BIVM: variants seen among roughly 807,000 people sequenced by gnomAD.
BIVM encodes the protein basic, immunoglobulin-like variable motif containing.
In BIVM, 31 loss-of-function variants were observed where a neutral mutation model predicts 61.4. The ratio of observed to expected loss-of-function variants is 0.51; its 90% CI spans 0.38 to 0.68. The LOEUF (loss-of-function observed/expected upper bound fraction) is 0.68. Ranked by LOEUF, BIVM falls within the 30% of genes least tolerant of loss-of-function variation. The probability of loss-of-function intolerance (pLI) is 0.00; values close to 1 mark genes in which losing one functional copy is unlikely to be tolerated. For missense variants in BIVM, 526 were observed against 596.0 expected (o/e 0.88, Z 1.22); for synonymous variants, 189 against 210.7 (o/e 0.90, Z 0.89).
intron 8 of BIVM, 118 bp from the exon 9 acceptor site, chr13:102,834,348 T>C (rs1881319950): frequency 1.0e-5 from 10 of 994,720 alleles, no homozygotes; most frequent in Non-Finnish European, 1.4e-5. Context: ...ATGTCTGTTC[T>C]TGATGAATGA....
In BIVM at chr13:102,803,600, G is replaced by T. The variant is rs953930059; in HGVS notation, c.-206-1707G>T. On this transcript the variant is annotated intron_variant, in intron 1 of 10. Coordinates refer to ENST00000257336, the MANE Select transcript of BIVM (RefSeq NM_017693.4). Reference sequence around the variant, plus strand: ...GGAAGGAAGCCCTGGGAAAGTGGAAGCCAAGTCTGAGATGAGGATATAAAA... The same window carrying T: ...GGAAGGAAGCCCTGGGAAAGTGGAATCCAAGTCTGAGATGAGGATATAAAA... 1.8e-4 allele frequency among the ~76,000 whole-genome samples: 27 copies of T among 152,088 alleles called. 1 individual carries two copies.
intron 7 of BIVM, among the ~76,000 whole-genome samples, chr13:102,824,887 G>A (rs1171691245): frequency 6.6e-6 from 1 of 151,990 alleles, no homozygotes; most frequent in African/African-American, 2.4e-5. Flanking sequence ...AGCCTCCCAA[G>A]TAGCTAGGAC....
intron 7 of BIVM, among the ~76,000 whole-genome samples, chr13:102,823,703 G>A (rs370928255): frequency 3.9e-5 from 6 of 152,236 alleles, no homozygotes; most frequent in African/African-American, 1.2e-4. Flanking sequence ...TTTCTCTTCA[G>A]CTGTGTCTAG....
chr13:102,802,319 A>G (rs1250178168), intron 1 of BIVM, among the ~76,000 whole-genome samples: 1 of 152,204 alleles, frequency 6.6e-6, no homozygotes, highest in Non-Finnish European at 1.5e-5. Flanking sequence ...TAAGAAAGCT[A>G]GAATCTGAGC....
rs112650792 is a variant in BIVM, at chr13:102,828,741, C to G, written c.902-2824C>G. On this transcript the variant is annotated intron_variant, in intron 7 of 10. Transcript: ENST00000257336. Reference sequence around the variant, plus strand: ...CATGTACCAGTTGTATTTAAGATGTCAGGGGAAGCTGGCATAGTGGCTCAC... The same window carrying G: ...CATGTACCAGTTGTATTTAAGATGTGAGGGGAAGCTGGCATAGTGGCTCAC... 7.5e-3 allele frequency among the ~76,000 whole-genome samples: 1,140 copies of G among 151,952 alleles called. 17 individuals carry two copies. The highest frequency in any genetic ancestry group is 0.025 in the African/African-American group (1,051 of 41,490).
chr13:102,809,696 C>T (rs7321030), intron 3 of BIVM, among the ~76,000 whole-genome samples: 7,873 of 152,118 alleles, frequency 0.052, 231 homozygotes, highest in East Asian at 0.1. Flanking sequence ...ACCATTTTTA[C>T]GTGTACAGTT....
At chr13:102,825,248 T>G (rs1213646965) in intron 7 of BIVM, among the ~76,000 whole-genome samples, 1 of 152,072 alleles carries the variant, frequency 6.6e-6, no homozygotes, top group Non-Finnish European at 1.5e-5. Flanking sequence ...CCCAGACTAA[T>G]TTTATTTTTT....
At chr13:102,833,708 A>G (rs1353528991) in intron 8 of BIVM, among the ~76,000 whole-genome samples, 1 of 152,170 alleles carries the variant, frequency 6.6e-6, no homozygotes, top group Non-Finnish European at 1.5e-5. Context: ...AGGGATTCTG[A>G]GACAGGTTGG....
At chr13:102,810,943 G>C (rs113097267) in intron 3 of BIVM, among the ~76,000 whole-genome samples, 7,576 of 152,116 alleles carry the variant, frequency 0.05, 206 homozygotes, top group Middle Eastern at 0.071. Flanking sequence ...GTTGCCAGGG[G>C]TGGTCTTGAA....
chr13:102,800,551 T>C (rs1566441897), intron 1 of BIVM: 1 of 143,456 alleles, frequency 7.0e-6, no homozygotes, highest in Non-Finnish European at 1.5e-5. Context: ...CGGCGGGGCT[T>C]GGCCTGCGCG....
rs768697299 is a variant in BIVM at position 102,834,480 on chromosome 13, C to T, written c.1049C>T (p.Ser350Leu). Residue 350 changes from serine to leucine, a missense_variant, in exon 9 of 11, where the codon TCA becomes TTA. This residue lies in a region of BIVM where 210 missense variants were observed against 233.1 expected (regional missense o/e 0.90). Transcript: ENST00000257336. Reference protein sequence around the residue: ...ANKAFSRGPLSPQEVEYWILI... With the variant: ...ANKAFSRGPLLPQEVEYWILI... ...TTTATATTTAGCAGGGGACCTCTCT[C>T]ACCACAGGAAGTTGAATATTGGATC... 2 of 1,599,772 alleles carry T rather than the reference C, an allele frequency of 1.3e-6. No individual in the cohort carries two copies. Among genetic ancestry groups the T allele is most frequent in the Non-Finnish European group, 1.7e-6 (2 of 1,175,350 alleles).
Position 102,807,430 on chromosome 13 carries a change from T to C in BIVM, c.163T>C (p.Trp55Arg). 6.2e-7 allele frequency: 1 copy of C among 1,614,228 alleles called. No homozygotes were observed. ...LGPKGDGHYP[W>R]SCPVTHTREK... ...TCCCAAAGGAGATGGTCATTATCCATGGAGTTGTCCAGTGACTCATACACG... is the reference window on the plus strand; with the variant it reads ...TCCCAAAGGAGATGGTCATTATCCACGGAGTTGTCCAGTGACTCATACACG... Residue 55 changes from tryptophan to arginine, a missense_variant, in exon 3 of 11, where the codon TGG becomes CGG. Physicochemically the swap from Trp to Arg is moderately radical, Grantham distance 101. This residue lies in a region of BIVM where 312 missense variants were observed against 343.8 expected (regional missense o/e 0.91). Transcript: ENST00000257336. This position sits in a 1 kb window ranked among gnomAD's most constrained non-coding sequence, Gnocchi z 4.0.
At chr13:102,821,684 G>T in intron 5 of BIVM, 59 bp from the exon 6 acceptor site, 2 of 1,456,830 alleles carry the variant, frequency 1.4e-6, no homozygotes, top group Non-Finnish European at 1.9e-6. Flanking sequence ...ATTGAGACAG[G>T]CTGTATTTGC....
At chr13:102,837,933 T>C (rs903658682) in intron 9 of BIVM, among the ~76,000 whole-genome samples, 2 of 152,186 alleles carry the variant, frequency 1.3e-5, no homozygotes, top group African/African-American at 4.8e-5. Context: ...GATAAAAGAC[T>C]ACATATTGGA....
intron 7 of BIVM, among the ~76,000 whole-genome samples, chr13:102,825,857 T>C (rs1187124349): frequency 6.6e-6 from 1 of 152,178 alleles, no homozygotes; most frequent in Non-Finnish European, 1.5e-5. Flanking sequence ...TCCCTTCGTC[T>C]CCTGGGTTGT....
At chr13:102,832,153 T>C (rs1347114999) in intron 8 of BIVM, among the ~76,000 whole-genome samples, 2 of 152,196 alleles carry the variant, frequency 1.3e-5, no homozygotes. Flanking sequence ...ATTTAGATAC[T>C]GTTGTTCAGT....
intron 9 of BIVM, among the ~76,000 whole-genome samples, chr13:102,835,803 G>C (rs943964469): frequency 1.3e-5 from 2 of 152,190 alleles, no homozygotes; most frequent in Non-Finnish European, 2.9e-5. Flanking sequence ...AAAGTGTTGG[G>C]ATTACAGGCG....
Position 102,839,553 on chromosome 13 carries a change from A to G in BIVM, c.1219-19A>G. ...TAATTTCCCTTTATTTTCTTCAGCC[A>G]ACATTTTTTTCTTCTCAGGTTGGGG... On this transcript the variant is annotated intron_variant, in intron 10 of 10. Transcript: ENST00000257336. The G allele has an allele frequency of 6.2e-7, 1 of 1,609,868 alleles. No individual in the cohort carries two copies. The highest frequency in any genetic ancestry group is 8.5e-7 in the Non-Finnish European group (1 of 1,177,834).
chr13:102,828,520 G>A (rs1880833954), intron 7 of BIVM, among the ~76,000 whole-genome samples: 1 of 152,086 alleles, frequency 6.6e-6, no homozygotes. Context: ...CATCTCCGGT[G>A]GACAATACAT....
Sources: gnomAD v4.1 joint callset for allele counts (sites outside exome capture counted in the v4.1 genomes callset) on GRCh38, gnomAD v4.1.1 for gene constraint, gnomAD v4.1.1 regional missense constraint, Gnocchi (gnomAD v3.1) non-coding constraint, MANE v1.5 for transcripts, NCBI Gene and HGNC (gene_info 2026-07-23, HGNC 2026-07-21) for gene names.